Variants in MYL6B observed in about 807,000 individuals in gnomAD.
The protein encoded by MYL6B is myosin light chain 6B.
In MYL6B, 19 loss-of-function variants were observed where a neutral mutation model predicts 24.5. The observed-to-expected ratio is 0.78, with a 90% CI of 0.54 to 1.14. MYL6B has a LOEUF of 1.14. Ranked by LOEUF, MYL6B falls within the 50% of genes most tolerant of loss-of-function variation. The probability of loss-of-function intolerance (pLI) is 0.00; values close to 1 mark genes in which losing one functional copy is unlikely to be tolerated. For missense variants in MYL6B, 230 were observed against 263.8 expected (o/e 0.87, Z 0.89); for synonymous variants, 90 against 100.7 (o/e 0.89, Z 0.64).
At chr12:56,156,130 A>G in intron 5 of MYL6B, 1 of 532,616 alleles carries the variant, frequency 1.9e-6, no homozygotes, top group South Asian at 5.0e-5. Context: ...ACATGGTAAA[A>G]CCCCATCTCT....
Position 56,153,329 on chromosome 12 carries a change from T to TGG in MYL6B, c.-46-540_-46-539dup, listed in dbSNP as rs944847732. 2.7e-5 allele frequency: 18 copies of TGG among 664,908 alleles called. No homozygotes were observed. The African/African-American group carries it at 2.9e-4, about 11-fold the overall frequency. 41.2% of individuals were successfully genotyped at this position (664,908 alleles called of 1,614,324 possible). ...TGAATAGTTCCAGTTCTTGGCTGGG[T>TGG]GGGGGCTCAGGAACTACAAGTATTA... On this transcript the variant is annotated intron_variant, in intron 1 of 6. Transcript: ENST00000553066.
intron 3 of MYL6B, 35 bp downstream of exon 3, chr12:56,154,875 C>A: frequency 6.2e-7 from 1 of 1,602,898 alleles, no homozygotes; most frequent in Non-Finnish European, 8.5e-7. Flanking sequence ...ACTGTCCCAT[C>A]CCCAATCCCC....
At chr12:56,156,530 G>T (rs907689128) in intron 5 of MYL6B, among the ~76,000 whole-genome samples, 1 of 151,816 alleles carries the variant, frequency 6.6e-6, no homozygotes, top group Admixed American at 6.6e-5. Flanking sequence ...GCTTTAACCC[G>T]GGAGGTGGAG....
At chr12:56,155,676 G>A in intron 5 of MYL6B, 84 bp downstream of exon 5, 1 of 1,600,608 alleles carries the variant, frequency 6.2e-7, no homozygotes, top group Non-Finnish European at 8.5e-7. Flanking sequence ...GATAAGCAGA[G>A]CTAGCAGGAG....
exon 7 of MYL6B, chr12:56,157,914 G>A: frequency 1.6e-6 from 1 of 640,438 alleles, no homozygotes; most frequent in Non-Finnish European, 2.7e-6. Context: ...GGCCCCGCAG[G>A]CGAAAGCACG....
At chr12:56,153,912 G>A (rs1871205462) in exon 2 of MYL6B, 6 of 1,607,204 alleles carry the variant, frequency 3.7e-6, no homozygotes, top group Non-Finnish European at 5.1e-6. Flanking sequence ...TTTGGCCACC[G>A]GACATCATGC....
chr12:56,157,768 C>A, exon 7 of MYL6B: 2 of 1,604,138 alleles, frequency 1.2e-6, no homozygotes, highest in Non-Finnish European at 1.7e-6. Flanking sequence ...CCGCGCCTTA[C>A]GAGGCAAGTC....
At chr12:56,157,815 G>A in exon 7 of MYL6B, 3 of 1,514,588 alleles carry the variant, frequency 2.0e-6, no homozygotes, top group Non-Finnish European at 2.7e-6. Context: ...AAAAGCAGCG[G>A]AGTTCATTCT....
chr12:56,155,452 T>G (rs1300005571), exon 5 of MYL6B: 1 of 1,614,184 alleles, frequency 6.2e-7, no homozygotes, highest in South Asian at 1.1e-5. Context: ...TTTGAGACTT[T>G]CCTGCCCATG....
At chr12:56,155,889 G>A in intron 5 of MYL6B, 1 of 1,277,122 alleles carries the variant, frequency 7.8e-7, no homozygotes, top group African/African-American at 1.5e-5. Flanking sequence ...TCCTGGGATT[G>A]TTTCCTTGTG....
chr12:56,155,477 C>T, exon 5 of MYL6B: 1 of 1,614,048 alleles, frequency 6.2e-7, no homozygotes, highest in Non-Finnish European at 8.5e-7. Context: ...AGGCAGTGGC[C>T]AAGAACCGAG....
chr12:56,157,814 G>T (rs1170620516), exon 7 of MYL6B: 10 of 1,515,450 alleles, frequency 6.6e-6, no homozygotes, highest in Admixed American at 3.6e-5. Flanking sequence ...GAAAAGCAGC[G>T]GAGTTCATTC....
chr12:56,153,468 CACTTTA>C, intron 1 of MYL6B: 1 of 986,466 alleles, frequency 1.0e-6, no homozygotes, highest in Non-Finnish European at 1.2e-6. Flanking sequence ...TCCCAGACCA[CACTTTA>C]ACTTGTTCCA....
intron 1 of MYL6B, chr12:56,153,307 A>T: frequency 2.6e-6 from 1 of 383,642 alleles, no homozygotes; most frequent in Non-Finnish European, 3.6e-6. Flanking sequence ...TATACTGTGA[A>T]TAGTTCCAGT....
Position 56,157,863 on chromosome 12 carries a change from C to G in MYL6B, c.*137C>G. 8.8e-7 allele frequency: 1 copy of G among 1,141,180 alleles called. No individual in the cohort carries two copies. Among genetic ancestry groups the G allele is most frequent in the Non-Finnish European group, 1.2e-6 (1 of 810,758 alleles). 70.7% of individuals were successfully genotyped at this position (1,141,180 alleles called of 1,614,324 possible). Reference sequence around the variant, plus strand: ...CTGCACGGGCTCCAGCGCTTCGCAACTTTGGTTTTTTTCCACAGATCCAGT... The same window carrying G: ...CTGCACGGGCTCCAGCGCTTCGCAAGTTTGGTTTTTTTCCACAGATCCAGT... On this transcript the variant is annotated 3_prime_UTR_variant, in exon 7 of 7. Transcript: ENST00000553066.
chr12:56,154,859 A>G lies in MYL6B; in HGVS notation c.202+19A>G. ...CTGGAGGGTGAGGAGAAGCTCATCT[A>G]AGGCCACTGTCCCATCCCCAATCCC... On this transcript the variant is annotated intron_variant, in intron 3 of 6. Coordinates refer to ENST00000553066, the Ensembl canonical transcript of MYL6B. 1 of 1,611,014 alleles carries G rather than the reference A, an allele frequency of 6.2e-7. No individual in the cohort carries two copies. The highest frequency in any genetic ancestry group is 1.3e-5 in the African/African-American group (1 of 74,950).
intron 4 of MYL6B, 106 bp downstream of exon 4, chr12:56,155,304 A>C: frequency 6.4e-7 from 1 of 1,566,310 alleles, no homozygotes; most frequent in Non-Finnish European, 8.6e-7. Context: ...TGTCAAACAC[A>C]GAAGCAGGAA....
chr12:56,153,840 T>C (rs946498444), intron 1 of MYL6B, 33 bp from the exon 2 acceptor site: 2 of 1,373,178 alleles, frequency 1.5e-6, no homozygotes, highest in Non-Finnish European at 9.9e-7. Context: ...CCCCCGCCCC[T>C]TGACATCCCA....
intron 5 of MYL6B, chr12:56,155,984 T>TA: frequency 8.6e-7 from 1 of 1,169,354 alleles, no homozygotes; most frequent in Non-Finnish European, 1.1e-6. Flanking sequence ...GGACTGAGGC[T>TA]ATGGGAGAAG....
Sources: allele counts gnomAD v4.1 joint callset (sites outside exome capture counted in the v4.1 genomes callset), GRCh38; gene constraint gnomAD v4.1.1; transcripts MANE v1.5; gene names NCBI Gene and HGNC (gene_info 2026-07-23, HGNC 2026-07-21).